The following KLRG2 variants were observed in gnomAD, a reference collection of about 807,000 sequenced individuals.
KLRG2 encodes the protein killer cell lectin-like receptor subfamily G member 2.
A neutral mutation model predicts 35.4 loss-of-function variants in KLRG2; 39 were observed. That is an observed-to-expected ratio of 1.10 (90% CI 0.85 to 1.44). The LOEUF (loss-of-function observed/expected upper bound fraction) is 1.44, where lower values mean the gene tolerates loss of function less well. Among genes scored for constraint, KLRG2 ranks in the 40% most tolerant of loss-of-function variants. The probability of loss-of-function intolerance (pLI) is 0.00; values close to 1 mark genes in which losing one functional copy is unlikely to be tolerated. For missense variants in KLRG2, 632 were observed against 570.9 expected (o/e 1.11, Z -1.09); for synonymous variants, 283 against 265.8 (o/e 1.06, Z -0.63).
the KLRG2 span, among the ~76,000 whole-genome samples, chr7:139,429,702 A>G: frequency 6.6e-6 from 1 of 152,270 alleles, no homozygotes; most frequent in South Asian, 2.1e-4. Context: ...AAGGTCACAG[A>G]TCAACAGGAT....
the KLRG2 span, among the ~76,000 whole-genome samples, chr7:139,435,725 T>G: frequency 3.9e-5 from 6 of 152,308 alleles, no homozygotes; most frequent in South Asian, 6.2e-4. Context: ...CTTCCTTCCC[T>G]TAACACGATG....
the KLRG2 span, among the ~76,000 whole-genome samples, chr7:139,434,079 T>C: frequency 0.014 from 2,104 of 152,334 alleles, 16 homozygotes; most frequent in Non-Finnish European, 0.021. Flanking sequence ...CACAGGATGT[T>C]TGCTGTGAGG....
At chr7:139,428,873 A>G in the KLRG2 span, among the ~76,000 whole-genome samples, 1 of 151,980 alleles carries the variant, frequency 6.6e-6, no homozygotes, top group African/African-American at 2.4e-5. Flanking sequence ...CTTACTTTTA[A>G]ATAGTTCAAC....
the KLRG2 span, among the ~76,000 whole-genome samples, chr7:139,427,245 C>T: frequency 1.3e-5 from 2 of 152,086 alleles, no homozygotes; most frequent in Non-Finnish European, 2.9e-5. Flanking sequence ...ATGAGTGGGG[C>T]CTTGGGGGCT....
At chr7:139,478,805 G>A (rs893527343) in intron 3 of KLRG2, among the ~76,000 whole-genome samples, 8 of 152,150 alleles carry the variant, frequency 5.3e-5, no homozygotes, top group Non-Finnish European at 8.8e-5. Context: ...CTCCCATGGG[G>A]ATGGAATATT....
chr7:139,453,667 C>T lies in KLRG2; in HGVS notation c.1150G>A (p.Gly384Arg), dbSNP rs747047769. 4.8e-5 allele frequency: 78 copies of T among 1,613,992 alleles called. No individual in the cohort carries two copies. The highest frequency in any genetic ancestry group is 6.5e-5 in the Non-Finnish European group (77 of 1,180,016). The change falls in exon 5 of 5, where the codon GGG (glycine) becomes AGG (arginine). Residue 384 changes from glycine to arginine, a missense_variant. Physicochemically the swap from Gly to Arg is moderately radical, Grantham distance 125. Coordinates refer to ENST00000340940, the MANE Select transcript of KLRG2 (RefSeq NM_198508.4). The stretch of plus-strand genomic sequence containing the variant: ...ACCAGCGTGCCTTCCTCCAGGGCCC[C>T]ACAGTTGATATCCAGATTGTCCTCG... ...DGEDNLDINC[G>R]ALEEGTLVAA...
chr7:139,429,422 C>G, the KLRG2 span, among the ~76,000 whole-genome samples: 1 of 149,432 alleles, frequency 6.7e-6, no homozygotes, highest in African/African-American at 2.5e-5. Flanking sequence ...GTGTTTCTCG[C>G]AGAGGGGGAT....
At chr7:139,479,567 G>T in intron 3 of KLRG2, 60 bp downstream of exon 3, 1 of 1,510,228 alleles carries the variant, frequency 6.6e-7, no homozygotes, top group Non-Finnish European at 9.0e-7. Context: ...TCTTTCCAGT[G>T]CTAGGATTCT....
intron 3 of KLRG2, 115 bp downstream of exon 3, chr7:139,479,512 C>T (rs1005089523): frequency 1.3e-5 from 14 of 1,076,424 alleles, no homozygotes; most frequent in Non-Finnish European, 1.8e-5. Flanking sequence ...CTCCTCTACA[C>T]CTTGGTGATT....
chr7:139,440,036 C>T, the KLRG2 span, among the ~76,000 whole-genome samples: 1 of 152,124 alleles, frequency 6.6e-6, no homozygotes, highest in Admixed American at 6.6e-5. Flanking sequence ...TAGCATCAGG[C>T]ATCCCTTGGC....
At chr7:139,463,111 GTT>G (rs1244397537) in intron 3 of KLRG2, among the ~76,000 whole-genome samples, 1 of 152,070 alleles carries the variant, frequency 6.6e-6, no homozygotes, top group African/African-American at 2.4e-5. Flanking sequence ...CATGGTCAAG[GTT>G]TTTCTTTATC....
intron 3 of KLRG2, among the ~76,000 whole-genome samples, chr7:139,469,626 T>TAG (rs1353937038): frequency 2.0e-5 from 3 of 152,106 alleles, no homozygotes; most frequent in Non-Finnish European, 4.4e-5. Flanking sequence ...GTATTTTTGG[T>TAG]AGAGATGGGG....
chr7:139,435,199 A>G, the KLRG2 span, among the ~76,000 whole-genome samples: 1 of 152,194 alleles, frequency 6.6e-6, no homozygotes, highest in Non-Finnish European at 1.5e-5. Context: ...AATAAAATTC[A>G]CCAATTTCGG....
intron 3 of KLRG2, among the ~76,000 whole-genome samples, chr7:139,456,894 C>T (rs1318241538): frequency 6.6e-6 from 1 of 152,048 alleles, no homozygotes; most frequent in Non-Finnish European, 1.5e-5. Flanking sequence ...ACCCAGTACA[C>T]AGTAGGTCAA....
At chr7:139,445,414 C>G in the KLRG2 span, among the ~76,000 whole-genome samples, 22 of 152,102 alleles carry the variant, frequency 1.4e-4, no homozygotes, top group African/African-American at 5.1e-4. Context: ...CATGCATAGA[C>G]AAATCCTGTC....
At chr7:139,439,478 T>C in the KLRG2 span, among the ~76,000 whole-genome samples, 9 of 152,016 alleles carry the variant, frequency 5.9e-5, no homozygotes, top group African/African-American at 1.2e-4. Context: ...GTTTGAAAGG[T>C]GGGTGAGGCC....
chr7:139,454,432 C>T (rs1017154165), intron 3 of KLRG2, among the ~76,000 whole-genome samples: 1 of 152,106 alleles, frequency 6.6e-6, no homozygotes, highest in Non-Finnish European at 1.5e-5. Context: ...TGAGGGTGAC[C>T]CCGTCTCAGC....
downstream of KLRG2, among the ~76,000 whole-genome samples, chr7:139,448,567 C>T (rs1213157411): frequency 6.6e-6 from 1 of 152,090 alleles, no homozygotes; most frequent in African/African-American, 2.4e-5. Flanking sequence ...CAGTGGCTCA[C>T]GCCTGTAATC....
At chr7:139,472,232 T>G (rs1359897098) in intron 3 of KLRG2, among the ~76,000 whole-genome samples, 4 of 151,774 alleles carry the variant, frequency 2.6e-5, no homozygotes, top group Non-Finnish European at 5.9e-5. Flanking sequence ...CCAGAAATAT[T>G]TGGGGAAAAA....
Sources: allele counts gnomAD v4.1 joint callset (sites outside exome capture counted in the v4.1 genomes callset), GRCh38; gene constraint gnomAD v4.1.1; transcripts MANE v1.5; gene names NCBI Gene and HGNC (gene_info 2026-07-23, HGNC 2026-07-21).